Variants in ARHGEF6 observed in about 807,000 individuals in gnomAD.
The protein encoded by ARHGEF6 is Rac/Cdc42 guanine nucleotide exchange factor 6, also known as rho guanine nucleotide exchange factor 6.
ARHGEF6 carries 9 observed loss-of-function variants against 70.3 expected under a neutral mutation model. The ratio of observed to expected loss-of-function variants is 0.13; its 90% CI spans 0.08 to 0.22. The LOEUF (loss-of-function observed/expected upper bound fraction) is 0.22, where lower values mean the gene tolerates loss of function less well. Among genes scored for constraint, ARHGEF6 ranks in the 10% least tolerant of loss-of-function variants. ARHGEF6 has a pLI of 1.00. For missense variants in ARHGEF6, 470 were observed against 563.0 expected (o/e 0.83, Z 1.67); for synonymous variants, 201 against 207.8 (o/e 0.97, Z 0.28).
intron 2 of ARHGEF6, among the ~76,000 whole-genome samples, chrX:136,764,812 T>A (rs367832473): frequency 4.5e-5 from 5 of 112,225 alleles, no homozygotes; most frequent in African/African-American, 9.7e-5. Flanking sequence ...AGCATTTTTT[T>A]AAAAAAGGAA....
At chrX:136,727,366 T>TTTCTTTC (rs2076870850) in intron 6 of ARHGEF6, among the ~76,000 whole-genome samples, 1 of 67,664 alleles carries the variant, frequency 1.5e-5, no homozygotes, top group Non-Finnish European at 2.7e-5. Flanking sequence ...TCTTTCTTTC[T>TTTCTTTC]TTCTTTCTTT....
intron 2 of ARHGEF6, among the ~76,000 whole-genome samples, chrX:136,773,119 C>T (rs1444904135): frequency 1.8e-5 from 2 of 111,290 alleles, no homozygotes; most frequent in African/African-American, 6.5e-5. Flanking sequence ...TCACCATGCC[C>T]CAGAGCCCAG....
At chrX:136,678,945 A>AG (rs1569388676) in intron 16 of ARHGEF6, among the ~76,000 whole-genome samples, 3 of 111,546 alleles carry the variant, frequency 2.7e-5, no homozygotes, top group South Asian at 7.6e-4. Flanking sequence ...CAACTTTGAG[A>AG]GAAAAAAAAA....
chrX:136,776,171 A>G (rs754309441), intron 2 of ARHGEF6, among the ~76,000 whole-genome samples: 112 of 111,900 alleles, frequency 1.0e-3, no homozygotes, highest in African/African-American at 3.6e-3. Flanking sequence ...ATAATTCTTG[A>G]CAGAACTAGA....
chrX:136,762,636 C>T (rs190937624), intron 2 of ARHGEF6, among the ~76,000 whole-genome samples: 2 of 111,444 alleles, frequency 1.8e-5, no homozygotes, highest in Non-Finnish European at 3.8e-5. Flanking sequence ...CAATTACAGG[C>T]TTGTGCCACG....
At chrX:136,743,525 T>C (rs900738581) in intron 5 of ARHGEF6, 60 bp downstream of exon 5, 3 of 1,113,608 alleles carry the variant, frequency 2.7e-6, no homozygotes, top group African/African-American at 1.8e-5. Context: ...CAATTTTCAG[T>C]AAGAATACCA....
intron 9 of ARHGEF6, among the ~76,000 whole-genome samples, chrX:136,705,379 G>A (rs1179683045): frequency 2.7e-5 from 3 of 111,231 alleles, no homozygotes; most frequent in Admixed American, 9.5e-5. Flanking sequence ...TAGATACACA[G>A]GTGCTCATTT....
chrX:136,674,754 C>T (rs954940141), intron 19 of ARHGEF6, among the ~76,000 whole-genome samples: 34 of 111,590 alleles, frequency 3.0e-4, no homozygotes, highest in African/African-American at 9.4e-4. Context: ...AAAAAATTTT[C>T]ACTTCTATCA....
rs1389344071 is a variant in ARHGEF6 at position 136,684,558 on chromosome X, C to G, written c.1392+1119G>C. On this transcript the variant is annotated intron_variant, in intron 12 of 21. Coordinates refer to ENST00000250617, the MANE Select transcript of ARHGEF6 (RefSeq NM_004840.3). Reference sequence around the variant, plus strand: ...AGAAATAATCCATCTTCAGCTCCCCCCACCCCCCGGGCTTCTCTCTGGATA... The same window carrying G: ...AGAAATAATCCATCTTCAGCTCCCCGCACCCCCCGGGCTTCTCTCTGGATA... 1.8e-5 allele frequency among the ~76,000 whole-genome samples: 2 copies of G among 110,430 alleles called. 1 individual carries two copies. Among genetic ancestry groups the G allele is most frequent in the African/African-American group, 6.6e-5 (2 of 30,254 alleles).
At chrX:136,775,973 T>C (rs1345582696) in intron 2 of ARHGEF6, among the ~76,000 whole-genome samples, 1 of 111,515 alleles carries the variant, frequency 9.0e-6, no homozygotes, top group Non-Finnish European at 1.9e-5. Context: ...CTTAGGCATA[T>C]ACCTAACCCA....
Position 136,774,480 on chromosome X carries a change from G to A in ARHGEF6, c.249+4934C>T, listed in dbSNP as rs1358186252. Among the ~76,000 whole-genome samples, 14 of 109,005 alleles carry A rather than the reference G, an allele frequency of 1.3e-4. No individual in the cohort carries two copies. The Admixed American group carries it at 1.4e-3, about 11-fold the overall frequency. 94.7% of individuals were successfully genotyped at this position (109,005 alleles called of 115,157 possible). On this transcript the variant is annotated intron_variant, in intron 2 of 21. Coordinates refer to ENST00000250617, the MANE Select transcript of ARHGEF6 (RefSeq NM_004840.3). ...AGCCTGGCCAACATGGTGAAACTCC[G>A]TCTCTACTAAAAATACAAAAATTAG...
chrX:136,728,931 T>G (rs1238635768), intron 6 of ARHGEF6, among the ~76,000 whole-genome samples: 1 of 108,651 alleles, frequency 9.2e-6, no homozygotes, highest in Non-Finnish European at 1.9e-5. Context: ...TTCCTGGGTC[T>G]CCAGCTTTGA....
At chrX:136,740,969 A>C (rs1313877880) in intron 5 of ARHGEF6, among the ~76,000 whole-genome samples, 1 of 112,324 alleles carries the variant, frequency 8.9e-6, no homozygotes, top group Non-Finnish European at 1.9e-5. Flanking sequence ...AATTCCAGGC[A>C]AAGCCTGTGG....
intron 2 of ARHGEF6, among the ~76,000 whole-genome samples, chrX:136,770,061 T>G (rs1467705629): frequency 8.9e-6 from 1 of 112,274 alleles, no homozygotes; most frequent in African/African-American, 3.2e-5. Context: ...CTGTTTACAC[T>G]ATTGCTGAGA....
intron 20 of ARHGEF6, 132 bp downstream of exon 20, chrX:136,671,888 A>T: frequency 1.8e-6 from 1 of 569,181 alleles, no homozygotes. Flanking sequence ...ATGCATGCAC[A>T]GCAAAGCAGG....
chrX:136,727,089 G>C (rs987243052), intron 6 of ARHGEF6, among the ~76,000 whole-genome samples: 1 of 111,713 alleles, frequency 9.0e-6, no homozygotes, highest in African/African-American at 3.3e-5. Flanking sequence ...TCTAACTTCC[G>C]ACCTTCCTCC....
chrX:136,737,441 C>T (rs1448919388), intron 5 of ARHGEF6: 4 of 526,470 alleles, frequency 7.6e-6, no homozygotes, highest in Non-Finnish European at 9.2e-6. Context: ...CACTCCAGCC[C>T]GGGCAACAAG....
In ARHGEF6 at chrX:136,667,904, GGAGA is replaced by G. The variant is rs1057515778; in HGVS notation, c.*121_*124del. 153 of 846,859 alleles carry G rather than the reference GGAGA, an allele frequency of 1.8e-4. 1 individual carries two copies. Among genetic ancestry groups the G allele is most frequent in the Admixed American group, 5.6e-4 (23 of 41,085 alleles). 69.8% of individuals were successfully genotyped at this position (846,859 alleles called of 1,213,427 possible). A position where few individuals can be genotyped will look rare whatever the true frequency, so the allele number is the denominator to read the frequency against. ...GCGGGGAGAGAAAGAGAAGAGAGAG[GGAGA>G]GAGAGAGAGAGACTCAAACACAAAA... On this transcript the variant is annotated 3_prime_UTR_variant, in exon 22 of 22. Coordinates refer to ENST00000250617, the MANE Select transcript of ARHGEF6 (RefSeq NM_004840.3).
chrX:136,674,867 CCTGCACCACTCCT>C, intron 19 of ARHGEF6, 127 bp downstream of exon 19: 1 of 554,871 alleles, frequency 1.8e-6, no homozygotes, highest in South Asian at 2.5e-5. Flanking sequence ...AAGATGCAGT[CCTGCACCACTCCT>C]CTGCACCAAG....
Sources: gnomAD v4.1 joint callset for allele counts (sites outside exome capture counted in the v4.1 genomes callset) on GRCh38, gnomAD v4.1.1 for gene constraint, MANE v1.5 for transcripts, NCBI Gene and HGNC (gene_info 2026-07-23, HGNC 2026-07-21) for gene names.